The following SBNO1 variants were observed in gnomAD, a reference collection of about 807,000 sequenced individuals.
SBNO1 encodes protein strawberry notch homolog 1.
A neutral mutation model predicts 173.6 loss-of-function variants in SBNO1; 23 were observed. The observed-to-expected ratio is 0.13, with a 90% CI of 0.10 to 0.19. The LOEUF (loss-of-function observed/expected upper bound fraction) is 0.19. Among genes scored for constraint, SBNO1 ranks in the 10% least tolerant of loss-of-function variants. The probability of loss-of-function intolerance (pLI) is 1.00; values close to 1 mark genes in which losing one functional copy is unlikely to be tolerated. For missense variants in SBNO1, 1,238 were observed against 1,671.2 expected (o/e 0.74, Z 4.52); for synonymous variants, 632 against 571.5 (o/e 1.11, Z -1.51).
intron 6 of SBNO1, among the ~76,000 whole-genome samples, chr12:123,334,611 G>A (rs887240321): frequency 1.3e-5 from 2 of 152,172 alleles, no homozygotes; most frequent in Admixed American, 1.3e-4. Context: ...AGGAGGCTGA[G>A]GAACGAGAAT....
intron 28 of SBNO1, among the ~76,000 whole-genome samples, chr12:123,308,133 TTC>T (rs1328124486): frequency 6.6e-6 from 1 of 152,018 alleles, no homozygotes; most frequent in Non-Finnish European, 1.5e-5. Flanking sequence ...GAAATAAAAT[TTC>T]TGTTGTCTTG....
chr12:123,334,662 T>C (rs866085135), intron 6 of SBNO1, among the ~76,000 whole-genome samples: 2 of 152,242 alleles, frequency 1.3e-5, no homozygotes, highest in East Asian at 1.9e-4. Flanking sequence ...GAGCCGAGAC[T>C]GTGCCACTGC....
At chr12:123,300,689 C>T (rs571356248) in intron 30 of SBNO1, among the ~76,000 whole-genome samples, 82 of 150,472 alleles carry the variant, frequency 5.4e-4, no homozygotes, top group African/African-American at 1.9e-3. Flanking sequence ...GGGCAAGGCG[C>T]GGTGGCTTAT....
intron 5 of SBNO1, among the ~76,000 whole-genome samples, chr12:123,337,568 C>T (rs1428334475): frequency 1.3e-5 from 2 of 152,080 alleles, no homozygotes; most frequent in Non-Finnish European, 2.9e-5. Context: ...AGAAGTGGGA[C>T]ATAACCATCC....
chr12:123,356,214 A>G (rs1418930911), intron 1 of SBNO1, among the ~76,000 whole-genome samples: 3 of 152,168 alleles, frequency 2.0e-5, no homozygotes, highest in Non-Finnish European at 4.4e-5. Flanking sequence ...CTCATCTTAA[A>G]ATAATACAAA....
At chr12:123,317,010 T>C (rs867360225) in intron 21 of SBNO1, among the ~76,000 whole-genome samples, 48 of 152,192 alleles carry the variant, frequency 3.2e-4, no homozygotes, top group African/African-American at 1.1e-3. Context: ...CTGTTTTTCT[T>C]TTCTTTTGGT....
intron 1 of SBNO1, among the ~76,000 whole-genome samples, chr12:123,359,440 T>C (rs1406562784): frequency 3.3e-5 from 5 of 151,348 alleles, no homozygotes; most frequent in South Asian, 4.2e-4. Context: ...CACACACTTG[T>C]AATCCCAGTT....
intron 1 of SBNO1, among the ~76,000 whole-genome samples, chr12:123,359,081 C>A (rs1276293331): frequency 6.6e-6 from 1 of 151,664 alleles, no homozygotes; most frequent in Non-Finnish European, 1.5e-5. Flanking sequence ...TATAGGCGCC[C>A]ACCACCATAC....
At chr12:123,341,473 A>G (rs1256957687) in intron 4 of SBNO1, among the ~76,000 whole-genome samples, 2 of 152,166 alleles carry the variant, frequency 1.3e-5, no homozygotes, top group Non-Finnish European at 2.9e-5. Flanking sequence ...AAAACCCAGA[A>G]GTTTACATAT....
At chr12:123,328,090 AG>A in intron 10 of SBNO1, 63 bp from the exon 11 acceptor site, 3 of 1,329,256 alleles carry the variant, frequency 2.3e-6, no homozygotes, top group Non-Finnish European at 3.1e-6. Context: ...CAGTCTTTCA[AG>A]AAGAGTTAAC....
chr12:123,297,585 C>T (rs1445125331), intron 31 of SBNO1, among the ~76,000 whole-genome samples: 1 of 151,920 alleles, frequency 6.6e-6, no homozygotes, highest in Non-Finnish European at 1.5e-5. Context: ...CTAGTCTACC[C>T]TTGCTCCCTG....
At chr12:123,313,583 A>C in intron 24 of SBNO1, 37 bp downstream of exon 24, 3 of 1,092,494 alleles carry the variant, frequency 2.7e-6, no homozygotes, top group Non-Finnish European at 4.2e-6. Context: ...CTTTGTCAAT[A>C]ATCATTGTCA....
chr12:123,357,346 A>G lies in SBNO1; in HGVS notation c.1-6905T>C, dbSNP rs187314301. On this transcript the variant is annotated intron_variant, in intron 1 of 31. Coordinates refer to ENST00000602398, the MANE Select transcript of SBNO1 (RefSeq NM_001167856.3). Reference sequence around the variant, plus strand: ...GTGCCTGTAATCCCAGCTACTCCAGAGGCTGAGACAGGAGAACACCGGAAC... The same window carrying G: ...GTGCCTGTAATCCCAGCTACTCCAGGGGCTGAGACAGGAGAACACCGGAAC... Among the ~76,000 whole-genome samples, 575 of 152,126 alleles carry G rather than the reference A, an allele frequency of 3.8e-3. 4 individuals carry two copies. Among genetic ancestry groups the G allele is most frequent in the African/African-American group, 0.013 (531 of 41,494 alleles).
intron 16 of SBNO1, among the ~76,000 whole-genome samples, 195 bp downstream of exon 16, chr12:123,323,485 G>C (rs757131891): frequency 1.3e-5 from 2 of 152,048 alleles, no homozygotes; most frequent in African/African-American, 4.8e-5. Context: ...CTCCCGAGTA[G>C]CTGGGACTAT....
At chr12:123,316,187 C>A (rs888594872) in intron 21 of SBNO1, among the ~76,000 whole-genome samples, 1 of 152,084 alleles carries the variant, frequency 6.6e-6, no homozygotes, top group African/African-American at 2.4e-5. Flanking sequence ...TCCTTAAATG[C>A]AAGATCTGAG....
chr12:123,346,864 G>T (rs1372201601), intron 3 of SBNO1, among the ~76,000 whole-genome samples: 1 of 151,882 alleles, frequency 6.6e-6, no homozygotes, highest in African/African-American at 2.4e-5. Context: ...CATTACCTGA[G>T]GTCAGGAGCT....
rs1869394981 is a variant in SBNO1, at chr12:123,317,237, T to G, written c.2919A>C (p.Arg973Ser). The G allele has an allele frequency of 6.2e-7, 1 of 1,614,036 alleles. No individual in the cohort carries two copies. Among genetic ancestry groups the G allele is most frequent in the Admixed American group, 1.7e-5 (1 of 59,982 alleles). The stretch of plus-strand genomic sequence containing the variant: ...GGAACTTACCGAACTGTTGAATTGC[T>G]CTATCAGCGCTCCAAGGTAATTCTA... The part of the protein sequence containing the change: ...MTLELPWSAD[R>S]AIQQFGRTHR... The change falls in exon 21 of 32, where the codon AGA becomes AGC. Residue 973 changes from arginine (R) to serine (S), a missense_variant. Physicochemically the swap from Arg to Ser is moderately radical, Grantham distance 110. Coordinates refer to ENST00000602398, the MANE Select transcript of SBNO1 (RefSeq NM_001167856.3).
At chr12:123,360,832 G>A (rs1001441940) in intron 1 of SBNO1, among the ~76,000 whole-genome samples, 3 of 152,126 alleles carry the variant, frequency 2.0e-5, no homozygotes, top group Admixed American at 1.3e-4. Context: ...AAACCTACAG[G>A]TTGGGCACAG....
chr12:123,350,302 A>G lies in SBNO1; in HGVS notation c.132+8T>C. On this transcript the variant is annotated splice_region_variant and intron_variant, in intron 2 of 31. Coordinates refer to ENST00000602398, the MANE Select transcript of SBNO1 (RefSeq NM_001167856.3). ...CACTAAGAAAGAGAGGCTTTGGAAA[A>G]CTCTTACCTGCTGAACTGACGGGGT... 6.2e-7 allele frequency: 1 copy of G among 1,612,584 alleles called. No homozygotes were observed. Among genetic ancestry groups the G allele is most frequent in the Non-Finnish European group, 8.5e-7 (1 of 1,179,624 alleles).
Sources: gnomAD v4.1 joint callset for allele counts (sites outside exome capture counted in the v4.1 genomes callset) on GRCh38, gnomAD v4.1.1 for gene constraint, MANE v1.5 for transcripts, NCBI Gene and HGNC (gene_info 2026-07-23, HGNC 2026-07-21) for gene names.